Variants in PHKB observed in about 807,000 individuals in gnomAD.
PHKB encodes phosphorylase kinase regulatory subunit beta, also known as phosphorylase b kinase regulatory subunit beta.
Under a neutral mutation model 152.1 loss-of-function variants are expected in PHKB, and 122 were observed. The observed-to-expected ratio is 0.80, with a 90% CI of 0.69 to 0.93. The LOEUF is 0.93. Ranked by LOEUF, PHKB falls within the 40% of genes least tolerant of loss-of-function variation. The pLI is 0.00. For synonymous variants in PHKB, 436 were observed against 464.9 expected (o/e 0.94, Z 0.80); for missense variants, 1,304 against 1,328.4 (o/e 0.98, Z 0.29).
intron 7 of PHKB, among the ~76,000 whole-genome samples, chr16:47,569,014 T>C (rs1472887611): frequency 6.6e-6 from 1 of 152,250 alleles, no homozygotes; most frequent in Non-Finnish European, 1.5e-5. Context: ...TAGAATGTTC[T>C]GTGAATGTCT....
At chr16:47,509,492 G>A (rs1468512717) in intron 4 of PHKB, among the ~76,000 whole-genome samples, 2 of 152,030 alleles carry the variant, frequency 1.3e-5, no homozygotes, top group East Asian at 3.9e-4. Flanking sequence ...GAACAATATT[G>A]CCCAATAGAA....
chr16:47,627,878 A>G (rs1972738753), intron 14 of PHKB, among the ~76,000 whole-genome samples: 2 of 152,326 alleles, frequency 1.3e-5, no homozygotes, highest in African/African-American at 4.8e-5. Context: ...CTTGGCTTCT[A>G]TGGGAAAAAT....
rs576624573 is a variant in PHKB, at chr16:47,583,003, G to A, written c.774+2645G>A. On this transcript the variant is annotated intron_variant, in intron 8 of 30. Coordinates refer to ENST00000323584, the MANE Select transcript of PHKB (RefSeq NM_000293.3). ...ATAGAGGTGGGGTTTCACCACGTTGGCCAGGCTGGTCTTGAACTCCTTACC... is the reference window on the plus strand; with the variant it reads ...ATAGAGGTGGGGTTTCACCACGTTGACCAGGCTGGTCTTGAACTCCTTACC... Among the ~76,000 whole-genome samples the A allele has an allele frequency of 5.9e-5, 9 of 152,204 alleles. No homozygotes were observed. In the South Asian group the frequency reaches 1.7e-3, roughly 28 times the overall value.
chr16:47,589,153 A>G, intron 10 of PHKB, 51 bp downstream of exon 10: 1 of 1,345,088 alleles, frequency 7.4e-7, no homozygotes, highest in Non-Finnish European at 1.1e-6. Flanking sequence ...TCAAAAGCAC[A>G]GATTCAGGAG....
At chr16:47,626,588 C>A (rs548708452) in intron 14 of PHKB, among the ~76,000 whole-genome samples, 6 of 152,142 alleles carry the variant, frequency 3.9e-5, no homozygotes, top group Non-Finnish European at 8.8e-5. Context: ...ATGGTACAGC[C>A]AGTAAGATGC....
At chr16:47,681,942 A>G (rs889033779) in intron 26 of PHKB, among the ~76,000 whole-genome samples, 5 of 152,090 alleles carry the variant, frequency 3.3e-5, no homozygotes, top group African/African-American at 1.2e-4. Flanking sequence ...TGCTTCCTTC[A>G]GGAGCTCTTT....
intron 27 of PHKB, among the ~76,000 whole-genome samples, chr16:47,690,671 G>A (rs1042497463): frequency 1.8e-4 from 28 of 151,850 alleles, no homozygotes; most frequent in African/African-American, 5.6e-4. Flanking sequence ...GTGTAGATAG[G>A]ATGACAAAAA....
chr16:47,561,762 T>C (rs1971479736), intron 7 of PHKB: 1 of 152,238 alleles, frequency 6.6e-6, no homozygotes, highest in Non-Finnish European at 1.5e-5. Flanking sequence ...TCATAGAGAC[T>C]GGATGAAAAT....
intron 8 of PHKB, 24 bp from the exon 9 acceptor site, chr16:47,587,644 A>G: frequency 1.9e-6 from 3 of 1,569,972 alleles, no homozygotes; most frequent in Non-Finnish European, 2.6e-6. Context: ...AATTTAGGAA[A>G]TGTTTTTCTT....
At chr16:47,669,830 T>C (rs1030006903) in intron 26 of PHKB, among the ~76,000 whole-genome samples, 4 of 152,246 alleles carry the variant, frequency 2.6e-5, no homozygotes, top group Admixed American at 2.0e-4. Context: ...GAATATTCTA[T>C]ACCCATTTTC....
chr16:47,646,551 A>C (rs996454398), intron 16 of PHKB, among the ~76,000 whole-genome samples: 2 of 146,394 alleles, frequency 1.4e-5, no homozygotes, highest in East Asian at 1.9e-4. Context: ...AAAACATTAA[A>C]AATAAAAAAT....
At chr16:47,483,204 A>G (rs1969995862) in intron 1 of PHKB, among the ~76,000 whole-genome samples, 1 of 150,844 alleles carries the variant, frequency 6.6e-6, no homozygotes, top group African/African-American at 2.4e-5. Context: ...ACACCCAGCT[A>G]AGCTTTGTAT....
chr16:47,572,528 G>C (rs1470079572), intron 7 of PHKB, among the ~76,000 whole-genome samples: 2 of 152,170 alleles, frequency 1.3e-5, no homozygotes, highest in African/African-American at 4.8e-5. Flanking sequence ...AGTGCTTCAG[G>C]CTATGGACAG....
intron 14 of PHKB, among the ~76,000 whole-genome samples, chr16:47,624,191 T>C (rs2151716603): frequency 6.6e-6 from 1 of 152,324 alleles, no homozygotes; most frequent in East Asian, 1.9e-4. Context: ...TTTAAAAACA[T>C]CTTTTATGGG....
chr16:47,688,410 C>T (rs1974001916), intron 26 of PHKB, among the ~76,000 whole-genome samples: 1 of 152,146 alleles, frequency 6.6e-6, no homozygotes, highest in Non-Finnish European at 1.5e-5. Context: ...AAATTATTTA[C>T]ACATAAAATA....
chr16:47,701,246 G>A lies in PHKB; in HGVS notation c.*1880G>A, dbSNP rs1314460073. ...GCCGAAATTTTTACGAAAGTAAACT[G>A]TGTTGTAGTTTTAAGAATTTTTTTA... On this transcript the variant is annotated 3_prime_UTR_variant, in exon 31 of 31. Coordinates refer to ENST00000323584, the MANE Select transcript of PHKB (RefSeq NM_000293.3). 1 of 152,184 alleles carries A rather than the reference G, an allele frequency of 6.6e-6. No individual in the cohort carries two copies. Among genetic ancestry groups the A allele is most frequent in the African/African-American group, 2.4e-5 (1 of 41,446 alleles). The allele number at this position is 152,184 out of a possible 1,614,324, so 9.4% of individuals were successfully genotyped here.
At chr16:47,517,075 A>T (rs1199642695) in intron 6 of PHKB, among the ~76,000 whole-genome samples, 3 of 152,042 alleles carry the variant, frequency 2.0e-5, no homozygotes, top group Non-Finnish European at 4.4e-5. Context: ...AAGAAGCATG[A>T]CTCTGACTGA....
At chr16:47,529,430 A>C (rs6598578) in intron 6 of PHKB, 150,344 of 150,618 alleles carry the variant, frequency 1, 75,035 homozygotes, top group Middle Eastern at 1. Flanking sequence ...TCACTGCAAT[A>C]TCCGCCTTCT....
intron 8 of PHKB, among the ~76,000 whole-genome samples, chr16:47,582,633 C>G (rs1220727916): frequency 6.6e-6 from 1 of 152,126 alleles, no homozygotes; most frequent in Non-Finnish European, 1.5e-5. Context: ...CTCAGGAATT[C>G]TAATATACAA....
Sources: gnomAD v4.1 joint callset for allele counts (sites outside exome capture counted in the v4.1 genomes callset) on GRCh38, gnomAD v4.1.1 for gene constraint, MANE v1.5 for transcripts, NCBI Gene and HGNC (gene_info 2026-07-23, HGNC 2026-07-21) for gene names.